Variants in RNF150 observed in about 807,000 individuals in gnomAD.
The protein encoded by RNF150 is ring finger protein 150.
In RNF150, 24 loss-of-function variants were observed where a neutral mutation model predicts 39.3. The observed-to-expected ratio is 0.61, with a 90% CI of 0.44 to 0.86. RNF150 has a LOEUF of 0.86. Among genes scored for constraint, RNF150 ranks in the 40% least tolerant of loss-of-function variants. The pLI is 0.00. For synonymous variants in RNF150, 255 were observed against 227.3 expected (o/e 1.12, Z -1.10); for missense variants, 502 against 587.8 (o/e 0.85, Z 1.51).
At chr4:141,143,118 C>T (rs1727148636) in intron 1 of RNF150, among the ~76,000 whole-genome samples, 2 of 152,176 alleles carry the variant, frequency 1.3e-5, no homozygotes, top group South Asian at 4.1e-4. Context: ...TATCCTCCCT[C>T]CTTGGCCTCC....
intron 1 of RNF150, among the ~76,000 whole-genome samples, chr4:141,168,773 A>G (rs1727645924): frequency 6.6e-6 from 1 of 152,100 alleles, no homozygotes; most frequent in Non-Finnish European, 1.5e-5. Flanking sequence ...GGAGGGGAAC[A>G]TCACACACCA....
intron 6 of RNF150, among the ~76,000 whole-genome samples, chr4:140,884,996 T>A (rs1729509160): frequency 6.6e-6 from 1 of 152,090 alleles, no homozygotes; most frequent in Admixed American, 6.5e-5. Context: ...TTGTTTCTGT[T>A]ATTTCTTCCA....
At chr4:140,936,053 T>C (rs1411611063) in intron 4 of RNF150, among the ~76,000 whole-genome samples, 1 of 152,266 alleles carries the variant, frequency 6.6e-6, no homozygotes, top group Non-Finnish European at 1.5e-5. Flanking sequence ...CTTTTTTGTC[T>C]AGCTTTTTAA....
At chr4:141,122,306 T>C (rs187117951) in intron 1 of RNF150, among the ~76,000 whole-genome samples, 173 of 152,356 alleles carry the variant, frequency 1.1e-3, no homozygotes, top group Non-Finnish European at 2.0e-3. Flanking sequence ...TTCTCCTGAT[T>C]CGCCACCTTC....
chr4:140,969,625 A>G (rs7684039), intron 1 of RNF150, among the ~76,000 whole-genome samples: 55,861 of 150,926 alleles, frequency 0.37, 11,762 homozygotes, highest in Non-Finnish European at 0.46. Flanking sequence ...ATAATTTTTC[A>G]TTTCATTTAT....
chr4:141,075,017 C>T (rs116720441), intron 1 of RNF150, among the ~76,000 whole-genome samples: 1 of 152,210 alleles, frequency 6.6e-6, no homozygotes, highest in East Asian at 1.9e-4. Flanking sequence ...CTTAAATATA[C>T]TGTCCCGTGA....
intron 1 of RNF150, among the ~76,000 whole-genome samples, chr4:141,192,682 G>A (rs74695799): frequency 1.8e-4 from 28 of 152,280 alleles, no homozygotes; most frequent in African/African-American, 2.9e-4. Flanking sequence ...TTCATATCCC[G>A]CACAACGCAG....
chr4:141,013,800 C>A (rs1735161577), intron 1 of RNF150, among the ~76,000 whole-genome samples: 1 of 152,122 alleles, frequency 6.6e-6, no homozygotes, highest in African/African-American at 2.4e-5. Flanking sequence ...AGCTATTGAA[C>A]ATATCCATTA....
chr4:140,971,208 C>T (rs562688144), intron 1 of RNF150, among the ~76,000 whole-genome samples: 1 of 152,026 alleles, frequency 6.6e-6, no homozygotes, highest in African/African-American at 2.4e-5. Flanking sequence ...GAGAAGCCAG[C>T]AGGTTCTCCC....
chr4:140,949,183 A>G (rs1428801203), intron 3 of RNF150, 118 bp downstream of exon 3: 8 of 676,400 alleles, frequency 1.2e-5, no homozygotes, highest in African/African-American at 1.1e-4. Context: ...TACTGATAGG[A>G]CAACTGTTAG....
chr4:140,921,717 C>T (rs1309924002), intron 5 of RNF150, among the ~76,000 whole-genome samples: 1 of 152,118 alleles, frequency 6.6e-6, no homozygotes, highest in Non-Finnish European at 1.5e-5. Context: ...CAAAAAACCT[C>T]AATAAAATAC....
chr4:141,018,969 A>C (rs912114342), intron 1 of RNF150, among the ~76,000 whole-genome samples: 3 of 149,992 alleles, frequency 2.0e-5, no homozygotes, highest in African/African-American at 7.4e-5. Context: ...GCTGGGGTTT[A>C]TTCTTCTCCT....
intron 1 of RNF150, among the ~76,000 whole-genome samples, chr4:140,979,657 C>A (rs1443848668): frequency 6.6e-6 from 1 of 151,838 alleles, no homozygotes; most frequent in Admixed American, 6.6e-5. Flanking sequence ...ACCTTGGCTT[C>A]CACTGGGGTC....
intron 1 of RNF150, among the ~76,000 whole-genome samples, chr4:141,210,486 CT>C (rs35272487): frequency 0.3 from 42,803 of 143,708 alleles, 6,811 homozygotes; most frequent in East Asian, 0.62. Context: ...GCAGTTTCAG[CT>C]TTTTTTTTTT....
intron 1 of RNF150, among the ~76,000 whole-genome samples, chr4:140,991,049 T>C (rs545435536): frequency 2.4e-4 from 37 of 152,364 alleles, no homozygotes; most frequent in Non-Finnish European, 4.4e-4. Context: ...TGTGAGATGG[T>C]ATCTCATTGT....
chr4:141,081,880 T>C (rs910365193), intron 1 of RNF150, among the ~76,000 whole-genome samples: 36 of 152,256 alleles, frequency 2.4e-4, no homozygotes, highest in Admixed American at 2.0e-3. Flanking sequence ...GTTTTGTTTA[T>C]ACCCTGTGGA....
At chr4:141,144,557 A>C (rs112922610) in intron 1 of RNF150, among the ~76,000 whole-genome samples, 6 of 144,284 alleles carry the variant, frequency 4.2e-5, no homozygotes, top group African/African-American at 1.5e-4. Flanking sequence ...AATAAGCTCA[A>C]TTTGCTCTTG....
chr4:141,161,195 G>A (rs1351894595), intron 1 of RNF150, among the ~76,000 whole-genome samples: 8 of 152,148 alleles, frequency 5.3e-5, no homozygotes, highest in Admixed American at 4.6e-4. Flanking sequence ...AACTTATTGA[G>A]AACTCAAGTA....
chr4:141,029,594 C>A (rs977510613), intron 1 of RNF150, among the ~76,000 whole-genome samples: 1 of 152,152 alleles, frequency 6.6e-6, no homozygotes, highest in African/African-American at 2.4e-5. Context: ...CCATAACACA[C>A]AACTGGACCT....
Sources: allele counts gnomAD v4.1 joint callset (sites outside exome capture counted in the v4.1 genomes callset), GRCh38; gene constraint gnomAD v4.1.1; transcripts MANE v1.5; gene names NCBI Gene and HGNC (gene_info 2026-07-23, HGNC 2026-07-21).